The following TNFRSF21 variants were observed in gnomAD, a reference collection of about 807,000 sequenced individuals.
TNFRSF21 encodes the protein TNF receptor superfamily member 21.
A neutral mutation model predicts 45.6 loss-of-function variants in TNFRSF21; 19 were observed. That is an observed-to-expected ratio of 0.42 (90% CI 0.29 to 0.61). The LOEUF (loss-of-function observed/expected upper bound fraction) is 0.61, where lower values mean the gene tolerates loss of function less well. TNFRSF21 is among the 20% of genes least tolerant of loss of function. The pLI is 0.23. For missense variants in TNFRSF21, 737 were observed against 851.5 expected, an observed-to-expected ratio of 0.87 and a Z score of 1.67; for synonymous variants, 314 against 335.5, an observed-to-expected ratio of 0.94 and a Z score of 0.70.
intron 3 of TNFRSF21, among the ~76,000 whole-genome samples, chr6:47,267,006 A>G (rs1298620789): frequency 6.6e-6 from 1 of 152,148 alleles, no homozygotes; most frequent in African/African-American, 2.4e-5. Flanking sequence ...CTACAAGAGC[A>G]GACCTGTGTG....
At chr6:47,307,614 T>A (rs1056032461) in intron 1 of TNFRSF21, among the ~76,000 whole-genome samples, 5 of 152,096 alleles carry the variant, frequency 3.3e-5, no homozygotes, top group African/African-American at 1.2e-4. Context: ...ACTCAAGCAA[T>A]CCTCCCACCC....
chr6:47,288,221 AACTAATACAGCTCCACATAGTAACATGG>A, intron 1 of TNFRSF21, among the ~76,000 whole-genome samples: 1 of 152,280 alleles, frequency 6.6e-6, no homozygotes, highest in East Asian at 1.9e-4. Flanking sequence ...AATGAAAATG[AACTAATACAGCTCCACATAGTAACATGG>A]ATAAATCTTA....
chr6:47,262,232 A>G (rs1765084026), intron 3 of TNFRSF21, among the ~76,000 whole-genome samples: 4 of 152,208 alleles, frequency 2.6e-5, no homozygotes. Context: ...ACAGTAGACA[A>G]TTTTCCAAAT....
chr6:47,297,510 CTTTT>C (rs55690288), intron 1 of TNFRSF21, among the ~76,000 whole-genome samples: 1,321 of 117,466 alleles, frequency 0.011, 11 homozygotes, highest in African/African-American at 0.04. Flanking sequence ...TCTCTTTTTA[CTTTT>C]TTTTTTTTTT....
At chr6:47,298,347 A>G (rs903306014) in intron 1 of TNFRSF21, among the ~76,000 whole-genome samples, 2 of 149,906 alleles carry the variant, frequency 1.3e-5, no homozygotes, top group South Asian at 2.1e-4. Context: ...CAGGAGGCTG[A>G]GTGAGGTAGG....
chr6:47,236,728 C>T (rs559263199), intron 4 of TNFRSF21, among the ~76,000 whole-genome samples: 2 of 152,282 alleles, frequency 1.3e-5, no homozygotes, highest in Non-Finnish European at 1.5e-5. Flanking sequence ...TAGGCCCTGG[C>T]GCATGCCCCT....
chr6:47,234,839 G>A lies in TNFRSF21; in HGVS notation c.1569C>T (p.Ile523=), dbSNP rs1267844279. The A allele has an allele frequency of 6.5e-7, 1 of 1,529,012 alleles. No homozygotes were observed. Among genetic ancestry groups the A allele is most frequent in the African/African-American group, 1.4e-5 (1 of 70,900 alleles). 94.7% of individuals were successfully genotyped at this position (1,529,012 alleles called of 1,614,324 possible). The part of the protein sequence containing the change: ...MSPSPLSPSP[I]PSPNAKLENS... ...TCTCAAGTTTCGCGTTGGGGCTGGG[G>A]ATGGGGCTCGGGCTAAGCGGGCTGG... is the stretch of plus-strand genomic sequence containing the variant. The change falls in exon 5 of 6, where the codon ATC becomes ATT. Residue 523 remains isoleucine, a synonymous_variant. Coordinates refer to ENST00000296861, the MANE Select transcript of TNFRSF21 (RefSeq NM_014452.5).
intron 3 of TNFRSF21, among the ~76,000 whole-genome samples, chr6:47,279,762 T>C (rs1762541827): frequency 6.6e-6 from 1 of 152,220 alleles, no homozygotes; most frequent in Admixed American, 6.5e-5. Flanking sequence ...CTCTTAACTA[T>C]ATTTTTATAT....
rs573883343 is a variant in TNFRSF21, at chr6:47,275,075, A to G, written c.1243+8863T>C. On this transcript the variant is annotated intron_variant, in intron 3 of 5. Coordinates refer to ENST00000296861, the MANE Select transcript of TNFRSF21 (RefSeq NM_014452.5). ...TAATGTGGGAGTGTAAATTAGTTCA[A>G]CCATTGTGGAAGACAGTGTGGCGAT... 2.7e-3 allele frequency among the ~76,000 whole-genome samples: 416 copies of G among 152,320 alleles called. 2 individuals are homozygous for G. The highest frequency in any genetic ancestry group is 5.0e-3 in the Non-Finnish European group (338 of 68,026).
chr6:47,239,615 G>T (rs1003508721), intron 4 of TNFRSF21, among the ~76,000 whole-genome samples: 18 of 152,260 alleles, frequency 1.2e-4, no homozygotes, highest in African/African-American at 3.1e-4. Flanking sequence ...TGTACTTCAT[G>T]TTCCCCATAG....
chr6:47,250,506 G>A (rs1764886347), intron 4 of TNFRSF21, among the ~76,000 whole-genome samples: 2 of 152,194 alleles, frequency 1.3e-5, no homozygotes, highest in African/African-American at 4.8e-5. Flanking sequence ...TAATGAACCG[G>A]CTGTTCTTGA....
intron 3 of TNFRSF21, among the ~76,000 whole-genome samples, chr6:47,276,813 C>G (rs1484593465): frequency 6.6e-6 from 1 of 152,204 alleles, no homozygotes; most frequent in Non-Finnish European, 1.5e-5. Context: ...TCTAAAGCCA[C>G]TGAAGAGTCT....
At chr6:47,266,956 C>G (rs1010439261) in intron 3 of TNFRSF21, among the ~76,000 whole-genome samples, 1 of 152,102 alleles carries the variant, frequency 6.6e-6, no homozygotes, top group Non-Finnish European at 1.5e-5. Flanking sequence ...CTTTCACCTC[C>G]CAAGGCTTCA....
chr6:47,238,717 C>T (rs890013783), intron 4 of TNFRSF21, among the ~76,000 whole-genome samples: 12 of 152,124 alleles, frequency 7.9e-5, no homozygotes, highest in Non-Finnish European at 1.2e-4. Context: ...TTTTCCTTTC[C>T]GAGCACCTCT....
intron 1 of TNFRSF21, among the ~76,000 whole-genome samples, chr6:47,295,473 T>C (rs139395506): frequency 6.6e-6 from 1 of 152,336 alleles, no homozygotes; most frequent in East Asian, 1.9e-4. Context: ...TGCATAAAAC[T>C]AATATTTTGA....
chr6:47,249,629 T>C (rs1283254893), intron 4 of TNFRSF21, among the ~76,000 whole-genome samples: 1 of 152,194 alleles, frequency 6.6e-6, no homozygotes, highest in East Asian at 1.9e-4. Flanking sequence ...GTGTGACTCC[T>C]GACTGTGTAA....
At chr6:47,281,793 A>G (rs1762571113) in intron 3 of TNFRSF21, among the ~76,000 whole-genome samples, 1 of 151,300 alleles carries the variant, frequency 6.6e-6, no homozygotes, top group African/African-American at 2.5e-5. Flanking sequence ...CTGTTGCTGC[A>G]ACTTTTCAAA....
At chr6:47,263,685 TA>T (rs1198631650) in intron 3 of TNFRSF21, among the ~76,000 whole-genome samples, 1 of 152,206 alleles carries the variant, frequency 6.6e-6, no homozygotes, top group Non-Finnish European at 1.5e-5. Context: ...ACAGTGGCAT[TA>T]GAATCATGTT....
intron 3 of TNFRSF21, among the ~76,000 whole-genome samples, chr6:47,263,360 G>T (rs185624037): frequency 6.6e-6 from 1 of 152,238 alleles, no homozygotes; most frequent in East Asian, 1.9e-4. Flanking sequence ...GCAGGTAAAA[G>T]GTCCAGGCTG....
Sources: allele counts gnomAD v4.1 joint callset (sites outside exome capture counted in the v4.1 genomes callset), GRCh38; gene constraint gnomAD v4.1.1; transcripts MANE v1.5; gene names NCBI Gene and HGNC (gene_info 2026-07-23, HGNC 2026-07-21).